The following OGT variants were observed in gnomAD, a reference collection of about 807,000 sequenced individuals.
OGT encodes the protein O-linked N-acetylglucosamine (GlcNAc) transferase, also known as UDP-N-acetylglucosamine--peptide N-acetylglucosaminyltransferase 110 kDa subunit.
Under a neutral mutation model 75.8 loss-of-function variants are expected in OGT, and 3 were observed. That is an observed-to-expected ratio of 0.04 (90% CI 0.02 to 0.10). OGT has a LOEUF of 0.10. Ranked by LOEUF, OGT falls within the 10% of genes least tolerant of loss-of-function variation. The pLI, the probability that OGT is intolerant of heterozygous loss-of-function variation, is 1.00. For missense variants in OGT, 260 were observed against 824.4 expected (o/e 0.32, Z 8.38); for synonymous variants, 257 against 289.7 (o/e 0.89, Z 1.15).
At chrX:71,550,355 A>T (rs2040294260) in intron 5 of OGT, among the ~76,000 whole-genome samples, 1 of 111,975 alleles carries the variant, frequency 8.9e-6, no homozygotes, top group African/African-American at 3.2e-5. Context: ...TTTTTTATAT[A>T]TCTGCTTGCC....
intron 18 of OGT, among the ~76,000 whole-genome samples, chrX:71,564,098 A>ATCAAG (rs1356337537): frequency 3.3e-4 from 37 of 112,188 alleles, no homozygotes; most frequent in Admixed American, 1.0e-3. Context: ...AAGAGAGTGT[A>ATCAAG]AGGCAAAGAT....
At chrX:71,547,837 C>G in intron 4 of OGT, 70 bp from the exon 5 acceptor site, 178 of 424,190 alleles carry the variant, frequency 4.2e-4, no homozygotes, top group East Asian at 3.5e-3. Context: ...TTTTTTTTTT[C>G]CCTTTACAAA....
In OGT at chrX:71,573,609, T is replaced by A. The variant is rs758827773; in HGVS notation, c.2967-11T>A. ...GATTTGTAAACTGGGTTCTTGTTTT[T>A]TATTACCCAGCCTGAAGAAAGTTCG... On this transcript the variant is annotated splice_polypyrimidine_tract_variant and intron_variant, in intron 21 of 21. Transcript: ENST00000373719. 5 of 1,174,056 alleles carry A rather than the reference T, an allele frequency of 4.3e-6. No individual in the cohort carries two copies. Among genetic ancestry groups the A allele is most frequent in the Non-Finnish European group, 4.6e-6 (4 of 878,633 alleles).
intron 2 of OGT, chrX:71,536,594 C>G (rs1461841709): frequency 6.9e-6 from 2 of 288,276 alleles, no homozygotes; most frequent in African/African-American, 2.8e-5. Flanking sequence ...ATTTTTCTAT[C>G]TGGGTCTGCT....
At chrX:71,543,530 G>A (rs1454489664) in intron 3 of OGT, among the ~76,000 whole-genome samples, 2 of 110,436 alleles carry the variant, frequency 1.8e-5, no homozygotes, top group Admixed American at 1.9e-4. Flanking sequence ...CAGGTGCCAG[G>A]ATTGAGGCTT....
chrX:71,548,208 A>G (rs1841059731), intron 5 of OGT, among the ~76,000 whole-genome samples, 185 bp downstream of exon 5: 1 of 112,033 alleles, frequency 8.9e-6, no homozygotes, highest in African/African-American at 3.2e-5. Flanking sequence ...CAATGGTGCA[A>G]AAGACATACA....
At position 71,572,659 on chromosome X, in the gene OGT, C is replaced by T. The variant is rs748606753; in HGVS notation, c.2967-961C>T. On this transcript the variant is annotated intron_variant, in intron 21 of 21. Transcript: ENST00000373719. ...ATGCGTGCCTGTAGTCTCAGCTTCC[C>T]GGGAGGCTGGGGCAGGAGGATTGCT... 5.4e-5 allele frequency among the ~76,000 whole-genome samples: 6 copies of T among 111,074 alleles called. No homozygotes were observed. In the Admixed American group the frequency reaches 5.8e-4, roughly 11 times the overall value.
intron 12 of OGT, among the ~76,000 whole-genome samples, chrX:71,558,788 T>C (rs1464640384): frequency 1.0e-5 from 1 of 97,881 alleles, no homozygotes; most frequent in Non-Finnish European, 2.1e-5. Flanking sequence ...TTTTTTTTTT[T>C]TTTGAGACAG....
chrX:71,566,315 C>T (rs1244189276), intron 19 of OGT, among the ~76,000 whole-genome samples: 1 of 111,718 alleles, frequency 9.0e-6, no homozygotes, highest in Admixed American at 9.5e-5. Flanking sequence ...TATATTAGTC[C>T]GTTTTCATGC....
chrX:71,558,263 T>G (rs2147684892), intron 12 of OGT, among the ~76,000 whole-genome samples: 1 of 110,982 alleles, frequency 9.0e-6, no homozygotes, highest in Non-Finnish European at 1.9e-5. Flanking sequence ...CCATCATGTT[T>G]AATGGAGTGC....
Position 71,561,916 on chromosome X carries a change from G to C in OGT, c.1977+16G>C. ...TCCTATTCAGGTAAACAAATTAACAGTCATCACTTATAACATGTATTTGGC... is the reference window on the plus strand; with the variant it reads ...TCCTATTCAGGTAAACAAATTAACACTCATCACTTATAACATGTATTTGGC... On this transcript the variant is annotated intron_variant, in intron 15 of 21. Coordinates refer to ENST00000373719, the MANE Select transcript of OGT (RefSeq NM_181672.3). 3 of 1,177,826 alleles carry C rather than the reference G, an allele frequency of 2.5e-6. No individual in the cohort carries two copies. Among genetic ancestry groups the C allele is most frequent in the Non-Finnish European group, 3.4e-6 (3 of 878,054 alleles).
chrX:71,545,007 A>G (rs1250214272), intron 4 of OGT: 1 of 152,360 alleles, frequency 6.6e-6, no homozygotes, highest in Non-Finnish European at 1.3e-5. Flanking sequence ...GTGCCATTGA[A>G]AATGCTGCTC....
At chrX:71,556,578 G>C in intron 8 of OGT, 102 bp from the exon 9 acceptor site, 1 of 434,194 alleles carries the variant, frequency 2.3e-6, no homozygotes, top group Non-Finnish European at 3.9e-6. Context: ...GACAAATTTA[G>C]GGGTTTAAAT....
intron 3 of OGT, among the ~76,000 whole-genome samples, chrX:71,541,986 C>T (rs1413264650): frequency 8.9e-6 from 1 of 111,746 alleles, no homozygotes; most frequent in Non-Finnish European, 1.9e-5. Flanking sequence ...CTTCAAGGCC[C>T]AGCTTAAACT....
rs777634651 is a variant in OGT, at chrX:71,555,296, A to G, written c.835A>G (p.Ile279Val). ...YYEQGLIDLAIDTYRRAIELQ... is the reference protein window; with the variant it reads ...YYEQGLIDLAVDTYRRAIELQ... The stretch of plus-strand genomic sequence containing the variant: ...TGAGCAAGGCCTGATAGATCTGGCA[A>G]TAGACACCTACAGGCGGGCTATCGA... Residue 279 changes from isoleucine to valine, a missense_variant, in exon 7 of 22, where the codon ATA becomes GTA. By Grantham distance (29) the Ile-to-Val change is conservative (BLOSUM62 3). Coordinates refer to ENST00000373719, the MANE Select transcript of OGT (RefSeq NM_181672.3). 115 of 1,208,682 alleles carry G rather than the reference A, an allele frequency of 9.5e-5. No individual in the cohort carries two copies. The highest frequency in any genetic ancestry group is 1.3e-4 in the Non-Finnish European group (112 of 894,676).
chrX:71,554,356 A>G (rs1410439160), intron 5 of OGT, among the ~76,000 whole-genome samples, 157 bp from the exon 6 acceptor site: 1 of 112,367 alleles, frequency 8.9e-6, no homozygotes, highest in Non-Finnish European at 1.9e-5. Flanking sequence ...TGAGGTTTGT[A>G]AAAATAATGA....
intron 12 of OGT, among the ~76,000 whole-genome samples, chrX:71,558,061 TC>T (rs2040354825): frequency 9.1e-6 from 1 of 109,638 alleles, no homozygotes; most frequent in African/African-American, 3.3e-5. Flanking sequence ...GCTTAGGTGA[TC>T]CTCCCACCTC....
At chrX:71,559,502 G>A in intron 13 of OGT, 77 bp downstream of exon 13, 2 of 1,139,663 alleles carry the variant, frequency 1.8e-6, no homozygotes, top group Non-Finnish European at 1.2e-6. Flanking sequence ...TCACCATGAG[G>A]CATGGAAACC....
intron 4 of OGT, 73 bp downstream of exon 4, chrX:71,544,708 T>C: frequency 2.5e-6 from 2 of 810,661 alleles, no homozygotes; most frequent in Non-Finnish European, 3.6e-6. Context: ...TCTTCAACTC[T>C]TCATTGAGCT....
Sources: gnomAD v4.1 joint callset for allele counts (sites outside exome capture counted in the v4.1 genomes callset) on GRCh38, gnomAD v4.1.1 for gene constraint, MANE v1.5 for transcripts, NCBI Gene and HGNC (gene_info 2026-07-23, HGNC 2026-07-21) for gene names.